DLG2: variants seen among roughly 807,000 people sequenced by gnomAD.
DLG2 encodes discs large MAGUK scaffold protein 2, also known as disks large homolog 2.
Under a neutral mutation model 132.5 loss-of-function variants are expected in DLG2, and 45 were observed. The observed-to-expected ratio is 0.34, with a 90% CI of 0.27 to 0.44. The LOEUF is 0.44. Ranked by LOEUF, DLG2 falls within the 20% of genes least tolerant of loss-of-function variation. The pLI is 1.00. For missense variants in DLG2, 1,045 were observed against 1,196.9 expected (o/e 0.87, Z 1.87); for synonymous variants, 424 against 419.6 (o/e 1.01, Z -0.13).
rs534115272 is a variant in DLG2 at position 84,056,222 on chromosome 11, C to A, written c.919+3093G>T. Among the ~76,000 whole-genome samples, 11 of 152,236 alleles carry A rather than the reference C, an allele frequency of 7.2e-5. No homozygotes were observed. In the South Asian group the frequency reaches 2.3e-3, roughly 32 times the overall value. ...TATTTGTCCTAATGCTATCCCTCCC[C>A]TTCCCCACAACCCCGGAACAGGCCC... On this transcript the variant is annotated intron_variant, in intron 11 of 27. Coordinates refer to ENST00000376104, the MANE Select transcript of DLG2 (RefSeq NM_001142699.3).
At chr11:85,074,371 A>C (rs2066254676) in intron 6 of DLG2, among the ~76,000 whole-genome samples, 1 of 151,896 alleles carries the variant, frequency 6.6e-6, no homozygotes, top group African/African-American at 2.4e-5. Flanking sequence ...TTTGCCAGTG[A>C]ATCAGCAGGT....
At chr11:83,863,347 C>T (rs1398357827) in intron 16 of DLG2, among the ~76,000 whole-genome samples, 1 of 152,114 alleles carries the variant, frequency 6.6e-6, no homozygotes, top group East Asian at 1.9e-4. Context: ...CTCTTGATGT[C>T]TCTTTCTAAA....
chr11:84,529,907 A>G (rs773724417), intron 7 of DLG2, among the ~76,000 whole-genome samples: 2 of 152,230 alleles, frequency 1.3e-5, no homozygotes, highest in Non-Finnish European at 2.9e-5. Flanking sequence ...ACAGGGCTAT[A>G]GTAACCAAAA....
intron 6 of DLG2, among the ~76,000 whole-genome samples, chr11:85,009,460 T>C (rs1263393842): frequency 6.6e-6 from 1 of 152,126 alleles, no homozygotes; most frequent in Non-Finnish European, 1.5e-5. Flanking sequence ...TTTAGAATAA[T>C]TATCTGACAG....
At chr11:84,200,761 T>C (rs2096581456) in intron 8 of DLG2, among the ~76,000 whole-genome samples, 1 of 152,108 alleles carries the variant, frequency 6.6e-6, no homozygotes, top group South Asian at 2.1e-4. Flanking sequence ...CTGTTGTCGG[T>C]TTAAAGGAAT....
chr11:83,521,675 T>A (rs1254540723), intron 21 of DLG2, among the ~76,000 whole-genome samples: 1 of 152,174 alleles, frequency 6.6e-6, no homozygotes, highest in Non-Finnish European at 1.5e-5. Context: ...CTTTGCACCA[T>A]TCGCCTTTTA....
intron 19 of DLG2, among the ~76,000 whole-genome samples, chr11:83,601,336 G>A (rs523494): frequency 0.31 from 47,148 of 151,778 alleles, 8,432 homozygotes; most frequent in East Asian, 0.49. Flanking sequence ...TGTTCTGTAT[G>A]TAGAATTCCT....
intron 3 of DLG2, among the ~76,000 whole-genome samples, chr11:85,335,531 C>T (rs2082069008): frequency 6.6e-6 from 1 of 152,112 alleles, no homozygotes; most frequent in Non-Finnish European, 1.5e-5. Flanking sequence ...TTATGTGTCT[C>T]TTTGTAATGG....
At chr11:83,467,797 A>ATG in intron 25 of DLG2, among the ~76,000 whole-genome samples, 1 of 110,564 alleles carries the variant, frequency 9.0e-6, no homozygotes, top group South Asian at 2.9e-4. Context: ...ATATATATAT[A>ATG]TATATATATA....
chr11:84,833,136 A>G (rs895715024), intron 6 of DLG2, among the ~76,000 whole-genome samples: 2 of 151,604 alleles, frequency 1.3e-5, no homozygotes, highest in African/African-American at 4.8e-5. Context: ...TTCTCTATTT[A>G]GTGAAATCTA....
At chr11:85,214,711 G>A (rs1228096561) in intron 4 of DLG2, among the ~76,000 whole-genome samples, 2 of 152,086 alleles carry the variant, frequency 1.3e-5, no homozygotes, top group Non-Finnish European at 2.9e-5. Flanking sequence ...CAACACTTTG[G>A]ATATCCACAT....
intron 15 of DLG2, among the ~76,000 whole-genome samples, chr11:83,914,665 G>A (rs12279039): frequency 0.16 from 24,761 of 152,068 alleles, 2,430 homozygotes; most frequent in Middle Eastern, 0.23. Flanking sequence ...AGGCTACACG[G>A]CTAGTGAGTA....
chr11:83,459,847 T>G lies in DLG2; in HGVS notation c.2899A>C (p.Ile967Leu). Reference sequence around the variant, plus strand: ...AACTTTTCCTTTGAGGGAATCCAGATGAAAGGCCCAGATTGCTCTTCAATA... The same window carrying G: ...AACTTTTCCTTTGAGGGAATCCAGAGGAAAGGCCCAGATTGCTCTTCAATA... The part of the protein sequence containing the change: ...LVIEEQSGPF[I>L]WIPSKEKL Residue 967 changes from isoleucine (I) to leucine (L), a missense_variant, in exon 28 of 28, where the codon ATC (isoleucine) becomes CTC (leucine). This residue lies in a region of DLG2 where 398 missense variants were observed against 543.6 expected (regional missense o/e 0.73). Transcript: ENST00000376104. The G allele has an allele frequency of 1.9e-6, 3 of 1,610,980 alleles. No homozygotes were observed. The highest frequency in any genetic ancestry group is 2.5e-6 in the Non-Finnish European group (3 of 1,177,128).
rs552118380 is a variant in DLG2 at position 84,423,305 on chromosome 11, A to C, written c.519+111265T>G. On this transcript the variant is annotated intron_variant, in intron 7 of 27. Coordinates refer to ENST00000376104, the MANE Select transcript of DLG2 (RefSeq NM_001142699.3). ...AATAAAAATAATACATTCAGGTTTG[A>C]TAACTAAATGATATTTTGTCTCACT... Among the ~76,000 whole-genome samples, 250 of 152,256 alleles carry C rather than the reference A, an allele frequency of 1.6e-3. 1 individual carries two copies. Among genetic ancestry groups the C allele is most frequent in the African/African-American group, 5.7e-3 (237 of 41,562 alleles).
chr11:84,130,594 C>G (rs995668638), intron 9 of DLG2, among the ~76,000 whole-genome samples: 2 of 145,302 alleles, frequency 1.4e-5, no homozygotes, highest in Admixed American at 6.8e-5. Context: ...CACACACACA[C>G]ACACATATAA....
chr11:83,486,774 G>A (rs746967896), intron 21 of DLG2, among the ~76,000 whole-genome samples: 12 of 151,966 alleles, frequency 7.9e-5, no homozygotes, highest in Non-Finnish European at 1.6e-4. Context: ...AAGTATTGGT[G>A]GTTACATTTC....
chr11:83,718,763 A>G (rs12802442), intron 18 of DLG2, among the ~76,000 whole-genome samples: 1 of 151,984 alleles, frequency 6.6e-6, no homozygotes, highest in Non-Finnish European at 1.5e-5. Flanking sequence ...GAGTAGGATT[A>G]CTCTCTAAGA....
At position 85,322,737 on chromosome 11, in the gene DLG2, G is replaced by C. The variant is rs1056943908; in HGVS notation, c.41-37372C>G. Among the ~76,000 whole-genome samples the C allele has an allele frequency of 5.3e-5, 8 of 152,172 alleles. No individual in the cohort carries two copies. The East Asian group carries it at 5.8e-4, about 11-fold the overall frequency. On this transcript the variant is annotated intron_variant, in intron 3 of 27. Coordinates refer to ENST00000376104, the MANE Select transcript of DLG2 (RefSeq NM_001142699.3). ...CAGTTGCTCTGTCAGAGACTTCAAA[G>C]TCATCCTTGATACCTCCCTCTCTGC...
At chr11:84,411,172 C>A (rs1453811608) in intron 7 of DLG2, among the ~76,000 whole-genome samples, 2 of 152,138 alleles carry the variant, frequency 1.3e-5, no homozygotes, top group Admixed American at 1.3e-4. Context: ...TTACTTCTAT[C>A]ATTTAGAAGA....
Sources: gnomAD v4.1 joint callset for allele counts (sites outside exome capture counted in the v4.1 genomes callset) on GRCh38, gnomAD v4.1.1 for gene constraint, gnomAD v4.1.1 regional missense constraint, MANE v1.5 for transcripts, NCBI Gene and HGNC (gene_info 2026-07-23, HGNC 2026-07-21) for gene names.